LTBP1: variants seen among roughly 807,000 people sequenced by gnomAD.
LTBP1 encodes latent-transforming growth factor beta-binding protein 1.
A neutral mutation model predicts 207.6 loss-of-function variants in LTBP1; 129 were observed. The ratio of observed to expected loss-of-function variants is 0.62; its 90% CI spans 0.54 to 0.72. The LOEUF (loss-of-function observed/expected upper bound fraction) is 0.72. Ranked by LOEUF, LTBP1 falls within the 30% of genes least tolerant of loss-of-function variation. The pLI is 0.00. For synonymous variants in LTBP1, 963 were observed against 833.7 expected, an observed-to-expected ratio of 1.16 and a Z score of -2.67; for missense variants, 2,281 against 2,217.2, an observed-to-expected ratio of 1.03 and a Z score of -0.58.
chr2:33,204,519 G>A (rs1250735313), intron 7 of LTBP1, among the ~76,000 whole-genome samples: 11 of 152,278 alleles, frequency 7.2e-5, no homozygotes, highest in African/African-American at 2.2e-4. Flanking sequence ...AAGCTCTAAC[G>A]GAGTTGTTAA....
At chr2:33,322,346 TTGATGTCAACAACCCG>T (rs768249882) in intron 24 of LTBP1, among the ~76,000 whole-genome samples, 1 of 152,206 alleles carries the variant, frequency 6.6e-6, no homozygotes, top group Non-Finnish European at 1.5e-5. Flanking sequence ...TCTGACTCCT[TTGATGTCAACAACCCG>T]AGTCCTTTTT....
intron 3 of LTBP1, among the ~76,000 whole-genome samples, chr2:33,054,900 C>G (rs2076914949): frequency 6.6e-6 from 1 of 152,170 alleles, no homozygotes; most frequent in Non-Finnish European, 1.5e-5. Flanking sequence ...AGTGCACCTT[C>G]CAGTGATTGC....
intron 3 of LTBP1, among the ~76,000 whole-genome samples, chr2:33,046,502 T>C (rs1463694565): frequency 6.6e-6 from 1 of 152,232 alleles, no homozygotes; most frequent in East Asian, 1.9e-4. Flanking sequence ...GATGTGCTGC[T>C]GGATTCAGTT....
At chr2:32,971,277 T>C (rs1179342288) in intron 2 of LTBP1, among the ~76,000 whole-genome samples, 1 of 152,136 alleles carries the variant, frequency 6.6e-6, no homozygotes, top group Admixed American at 6.6e-5. Flanking sequence ...ATGGAATGCC[T>C]TTTATTTCTT....
At chr2:33,340,024 A>G (rs2094598555) in intron 24 of LTBP1, among the ~76,000 whole-genome samples, 1 of 152,060 alleles carries the variant, frequency 6.6e-6, no homozygotes, top group Non-Finnish European at 1.5e-5. Context: ...TTTAGGCTTG[A>G]TAAGTTTAAG....
At chr2:33,112,054 T>A (rs1426339844) in intron 4 of LTBP1, among the ~76,000 whole-genome samples, 1 of 152,222 alleles carries the variant, frequency 6.6e-6, no homozygotes, top group Non-Finnish European at 1.5e-5. Context: ...TCTTATTTCC[T>A]TGGGGTTTTA....
Position 33,134,705 on chromosome 2 carries a change from T to C in LTBP1, c.1034-88T>C. 6.2e-7 allele frequency: 1 copy of C among 1,607,734 alleles called. No individual in the cohort carries two copies. The highest frequency in any genetic ancestry group is 8.5e-7 in the Non-Finnish European group (1 of 1,178,046). The stretch of plus-strand genomic sequence containing the variant: ...CCCTCTTGCTCCTTTCTTTTCTTTT[T>C]TTCTGTTTTTTTAAACCTTCCAAGG... On this transcript the variant is annotated intron_variant, in intron 4 of 33. Transcript: ENST00000404816. This position sits in a 1 kb window ranked among gnomAD's most constrained non-coding sequence, Gnocchi z 4.4.
At chr2:33,009,781 A>G (rs894028709) in intron 2 of LTBP1, among the ~76,000 whole-genome samples, 6 of 152,210 alleles carry the variant, frequency 3.9e-5, no homozygotes, top group South Asian at 2.1e-4. Context: ...AAGGCAGTGA[A>G]TGCCAGGAAG....
chr2:33,102,298 C>T (rs1339363166), intron 3 of LTBP1, among the ~76,000 whole-genome samples: 1 of 152,142 alleles, frequency 6.6e-6, no homozygotes, highest in African/African-American at 2.4e-5. Flanking sequence ...CTGTTCTGTG[C>T]ATTATAGGAT....
intron 5 of LTBP1, among the ~76,000 whole-genome samples, chr2:33,136,070 G>C (rs2150616658): frequency 6.6e-6 from 1 of 152,260 alleles, no homozygotes; most frequent in South Asian, 2.1e-4. Context: ...TTATTCTGCT[G>C]TTTTATTGTG....
intron 5 of LTBP1, among the ~76,000 whole-genome samples, chr2:33,186,574 G>GT (rs1361887772): frequency 5.9e-5 from 9 of 152,246 alleles, no homozygotes; most frequent in Middle Eastern, 6.8e-3. Flanking sequence ...AGTGGCTACT[G>GT]TATATACACA....
chr2:33,262,919 C>CAAA, intron 14 of LTBP1, 98 bp downstream of exon 14: 2 of 720,684 alleles, frequency 2.8e-6, no homozygotes, highest in Non-Finnish European at 4.7e-6. Context: ...AATTACTAGA[C>CAAA]TTCATAACTG....
At chr2:33,250,443 A>G (rs1191098469) in intron 10 of LTBP1, among the ~76,000 whole-genome samples, 1 of 152,158 alleles carries the variant, frequency 6.6e-6, no homozygotes, top group Non-Finnish European at 1.5e-5. Flanking sequence ...AACAGAGAAC[A>G]CTGAGGTTTA....
intron 31 of LTBP1, among the ~76,000 whole-genome samples, chr2:33,386,826 C>A (rs1374786850): frequency 8.4e-6 from 1 of 119,350 alleles, no homozygotes. Context: ...GAGCAAGACC[C>A]TTTTTTTTTT....
Position 33,262,812 on chromosome 2 carries a change from C to G in LTBP1, c.2509C>G (p.Gln837Glu), listed in dbSNP as rs1360366504. 6.2e-7 allele frequency: 1 copy of G among 1,606,416 alleles called. No homozygotes were observed. The highest frequency in any genetic ancestry group is 1.1e-5 in the South Asian group (1 of 89,950). The change falls in exon 14 of 34, where the codon CAG becomes GAG. Residue 837 changes from glutamine to glutamate, a missense_variant. By Grantham distance (29) the Gln-to-Glu change is conservative. Coordinates refer to ENST00000404816, the MANE Select transcript of LTBP1 (RefSeq NM_206943.4). ...PGISTIHLHPQFPVVIEKTSP... is the reference protein window; with the variant it reads ...PGISTIHLHPEFPVVIEKTSP... ...CATTTCCACTATTCATCTGCATCCACAGTTTCCAGGTAGCCTGTGTTGATC... is the reference window on the plus strand; with the variant it reads ...CATTTCCACTATTCATCTGCATCCAGAGTTTCCAGGTAGCCTGTGTTGATC...
chr2:33,134,872 G>A lies in LTBP1; in HGVS notation c.1113G>A (p.Gln371=). ...CKVTCTKGSC[Q]NSCEKGNTTT... is the part of the protein sequence containing the mutation. ...TGACCTGCACCAAGGGCAGCTGTCAGAACAGCTGTGAGAAGGGGAACACCA... is the reference window on the plus strand; with the variant it reads ...TGACCTGCACCAAGGGCAGCTGTCAAAACAGCTGTGAGAAGGGGAACACCA... Residue 371 remains glutamine, a synonymous_variant, in exon 5 of 34, where the codon CAG becomes CAA. Coordinates refer to ENST00000404816, the MANE Select transcript of LTBP1 (RefSeq NM_206943.4). This position sits in a 1 kb window ranked among gnomAD's most constrained non-coding sequence, Gnocchi z 4.4. 1 of 1,614,082 alleles carries A rather than the reference G, an allele frequency of 6.2e-7. No individual in the cohort carries two copies. The highest frequency in any genetic ancestry group is 8.5e-7 in the Non-Finnish European group (1 of 1,180,004).
chr2:33,196,024 C>G (rs1299103716), intron 7 of LTBP1, among the ~76,000 whole-genome samples: 1 of 152,204 alleles, frequency 6.6e-6, no homozygotes, highest in Non-Finnish European at 1.5e-5. Flanking sequence ...AAGGTATGTA[C>G]TTTAAAGCAT....
chr2:33,198,601 T>A (rs1558798939), intron 7 of LTBP1, among the ~76,000 whole-genome samples: 1 of 152,226 alleles, frequency 6.6e-6, no homozygotes, highest in Non-Finnish European at 1.5e-5. Flanking sequence ...ATTCAGAGAT[T>A]CAACTTCTTC....
At chr2:33,155,215 G>A (rs938585914) in intron 5 of LTBP1, among the ~76,000 whole-genome samples, 5 of 152,044 alleles carry the variant, frequency 3.3e-5, no homozygotes, top group Admixed American at 6.5e-5. Context: ...ACAGGCGCGC[G>A]CCACCATGCC....
Sources: allele counts gnomAD v4.1 joint callset (sites outside exome capture counted in the v4.1 genomes callset), GRCh38; gene constraint gnomAD v4.1.1; non-coding constraint Gnocchi (gnomAD v3.1); transcripts MANE v1.5; gene names NCBI Gene and HGNC (gene_info 2026-07-23, HGNC 2026-07-21).